The following ADAMTSL3 variants were observed in gnomAD, a reference collection of about 807,000 sequenced individuals.
The protein encoded by ADAMTSL3 is ADAMTS like 3, also known as ADAMTS-like protein 3.
A neutral mutation model predicts 201.7 loss-of-function variants in ADAMTSL3; 128 were observed. That is an observed-to-expected ratio of 0.63 (90% CI 0.55 to 0.73). The LOEUF is 0.73. Ranked by LOEUF, ADAMTSL3 falls within the 30% of genes least tolerant of loss-of-function variation. ADAMTSL3 has a pLI of 0.00. For synonymous variants in ADAMTSL3, 738 were observed against 748.4 expected, an observed-to-expected ratio of 0.99 and a Z score of 0.23; for missense variants, 1,990 against 2,119.6, an observed-to-expected ratio of 0.94 and a Z score of 1.20.
intron 24 of ADAMTSL3, among the ~76,000 whole-genome samples, chr15:84,015,379 G>A (rs538347058): frequency 3.2e-4 from 49 of 152,334 alleles, no homozygotes; most frequent in African/African-American, 1.2e-3. Flanking sequence ...TTTCCTTGGG[G>A]CAGTTAGAGG....
intron 4 of ADAMTSL3, among the ~76,000 whole-genome samples, chr15:83,794,786 A>G (rs974099393): frequency 7.9e-5 from 12 of 152,236 alleles, no homozygotes; most frequent in African/African-American, 2.9e-4. Context: ...GTTTTGCAAG[A>G]TGATACCTTT....
chr15:83,825,692 T>C (rs898073652), intron 6 of ADAMTSL3, among the ~76,000 whole-genome samples: 1 of 152,064 alleles, frequency 6.6e-6, no homozygotes, highest in Non-Finnish European at 1.5e-5. Flanking sequence ...AGGTGATGTT[T>C]GGACACTGAG....
chr15:83,894,139 C>G (rs1344293163), intron 13 of ADAMTSL3, among the ~76,000 whole-genome samples: 3 of 152,116 alleles, frequency 2.0e-5, no homozygotes, highest in African/African-American at 7.2e-5. Context: ...TGGAATGATT[C>G]ACTCCATCTG....
At chr15:83,743,146 A>AT (rs1344276893) in intron 3 of ADAMTSL3, among the ~76,000 whole-genome samples, 1 of 152,118 alleles carries the variant, frequency 6.6e-6, no homozygotes, top group Non-Finnish European at 1.5e-5. Context: ...TCATCATCCC[A>AT]TTTTTATCCC....
chr15:83,978,145 C>T (rs970304395), intron 20 of ADAMTSL3, among the ~76,000 whole-genome samples: 2 of 152,164 alleles, frequency 1.3e-5, no homozygotes, highest in African/African-American at 4.8e-5. Context: ...AAATATCCAG[C>T]CAGATGGCTT....
In ADAMTSL3 at chr15:83,982,986, C is replaced by A. The variant is rs370015177; in HGVS notation, c.3358C>A (p.Leu1120Met). The A allele has an allele frequency of 1.8e-5, 29 of 1,614,038 alleles. No homozygotes were observed. In the African/African-American group the frequency reaches 2.5e-4, roughly 14 times the overall value. ...GGTCAGCGATGATCTTGCGTCCCAG[C>A]TGATATATCAGCTGGTGGCCGAATT... is the stretch of plus-strand genomic sequence containing the variant. ...GEVSDDLASQLIYQLVAELAK... is the reference protein window; with the variant it reads ...GEVSDDLASQMIYQLVAELAK... Residue 1120 changes from leucine (L) to methionine (M), a missense_variant, in exon 21 of 30, where the codon CTG (leucine) becomes ATG (methionine). Coordinates refer to ENST00000286744, the MANE Select transcript of ADAMTSL3 (RefSeq NM_207517.3).
chr15:83,888,404 T>A (rs559180668), intron 10 of ADAMTSL3, among the ~76,000 whole-genome samples: 538 of 45,684 alleles, frequency 0.012, 2 homozygotes, highest in African/African-American at 0.058. Context: ...AGAACAAAGA[T>A]TTTTTTTTTC....
chr15:83,959,920 A>G (rs1037388999), intron 19 of ADAMTSL3, among the ~76,000 whole-genome samples: 2 of 152,228 alleles, frequency 1.3e-5, no homozygotes, highest in African/African-American at 4.8e-5. Flanking sequence ...GATGGGGAGA[A>G]AAAGTCAAAT....
chr15:83,974,803 T>C (rs567894901), intron 20 of ADAMTSL3, among the ~76,000 whole-genome samples: 2 of 152,226 alleles, frequency 1.3e-5, no homozygotes, highest in South Asian at 4.2e-4. Context: ...GTTCCTGAGC[T>C]TTGGTAAAGA....
intron 3 of ADAMTSL3, among the ~76,000 whole-genome samples, chr15:83,759,860 CAT>C (rs1160256683): frequency 4.6e-5 from 7 of 152,014 alleles, no homozygotes; most frequent in Admixed American, 1.3e-4. Flanking sequence ...AATATATTAA[CAT>C]AAAGATGTTT....
chr15:83,780,216 C>A (rs2063144698), intron 4 of ADAMTSL3, among the ~76,000 whole-genome samples: 1 of 151,942 alleles, frequency 6.6e-6, no homozygotes, highest in Admixed American at 6.6e-5. Context: ...TCAAGACCAG[C>A]CTGACCAACA....
intron 3 of ADAMTSL3, among the ~76,000 whole-genome samples, chr15:83,730,126 C>T (rs544304527): frequency 2.5e-4 from 38 of 152,170 alleles, no homozygotes; most frequent in African/African-American, 9.1e-4. Context: ...ACAGAAGTGT[C>T]AGAGAACAGG....
intron 4 of ADAMTSL3, among the ~76,000 whole-genome samples, chr15:83,778,528 G>A (rs1181554768): frequency 6.6e-6 from 1 of 152,160 alleles, no homozygotes; most frequent in African/African-American, 2.4e-5. Context: ...AGCTTCATAA[G>A]TGAATGATGA....
At chr15:83,684,916 G>A (rs1390817110) in intron 2 of ADAMTSL3, among the ~76,000 whole-genome samples, 2 of 152,028 alleles carry the variant, frequency 1.3e-5, no homozygotes, top group Non-Finnish European at 1.5e-5. Context: ...ACTAGCTTTT[G>A]GAAAAATTAT....
chr15:83,861,312 T>G lies in ADAMTSL3; in HGVS notation c.802+2472T>G, dbSNP rs191198198. On this transcript the variant is annotated intron_variant, in intron 8 of 29. Transcript: ENST00000286744. The stretch of plus-strand genomic sequence containing the variant: ...GTAGTGGTTCTCCCAGCACGCAGCT[T>G]GAGATCTGAGAATGGACAGACTGCC... 7.0e-3 allele frequency among the ~76,000 whole-genome samples: 1,062 copies of G among 152,280 alleles called. 6 individuals carry two copies. The highest frequency in any genetic ancestry group is 0.01 in the Middle Eastern group (3 of 294).
At chr15:83,857,990 A>G (rs1003491034) in intron 7 of ADAMTSL3, among the ~76,000 whole-genome samples, 4 of 152,244 alleles carry the variant, frequency 2.6e-5, no homozygotes, top group African/African-American at 7.2e-5. Context: ...TGTATGTAGC[A>G]GTGTGAAAAA....
chr15:83,912,318 C>G (rs746219949), intron 15 of ADAMTSL3, among the ~76,000 whole-genome samples: 1 of 152,110 alleles, frequency 6.6e-6, no homozygotes, highest in South Asian at 2.1e-4. Context: ...TAGTTATGCA[C>G]GGTAAAATTT....
At chr15:84,000,036 T>C (rs1310182183) in intron 23 of ADAMTSL3, among the ~76,000 whole-genome samples, 4 of 152,010 alleles carry the variant, frequency 2.6e-5, no homozygotes, top group Non-Finnish European at 5.9e-5. Context: ...CTCATATGTC[T>C]TTAAGTCATA....
intron 23 of ADAMTSL3, among the ~76,000 whole-genome samples, chr15:84,006,423 G>C (rs2067895776): frequency 6.6e-6 from 1 of 152,228 alleles, no homozygotes; most frequent in Non-Finnish European, 1.5e-5. Flanking sequence ...AGGGCAGTCT[G>C]AACAGGCCAG....
Sources: gnomAD v4.1 joint callset for allele counts (sites outside exome capture counted in the v4.1 genomes callset) on GRCh38, gnomAD v4.1.1 for gene constraint, MANE v1.5 for transcripts, NCBI Gene and HGNC (gene_info 2026-07-23, HGNC 2026-07-21) for gene names.